Variants in SOCS5 observed in about 807,000 individuals in gnomAD.
The protein encoded by SOCS5 is suppressor of cytokine signaling 5, also known as CIS-6.
A neutral mutation model predicts 42.8 loss-of-function variants in SOCS5; 32 were observed. The ratio of observed to expected loss-of-function variants is 0.75; its 90% CI spans 0.56 to 1.01. The LOEUF is 1.01. Among genes scored for constraint, SOCS5 ranks in the 50% least tolerant of loss-of-function variants. SOCS5 has a pLI of 0.00. For missense variants in SOCS5, 627 were observed against 653.0 expected (o/e 0.96, Z 0.43); for synonymous variants, 283 against 229.6 (o/e 1.23, Z -2.10).
chr2:46,750,230 T>G (rs1019499544), intron 1 of SOCS5, among the ~76,000 whole-genome samples: 1 of 152,186 alleles, frequency 6.6e-6, no homozygotes, highest in African/African-American at 2.4e-5. Flanking sequence ...AGGCAGTATC[T>G]GTACGTGAGA....
At chr2:46,724,890 A>G (rs565663036) in intron 1 of SOCS5, among the ~76,000 whole-genome samples, 1 of 151,528 alleles carries the variant, frequency 6.6e-6, no homozygotes, top group East Asian at 1.9e-4. Flanking sequence ...CAGTTGGTTG[A>G]TGGTGTTCTA....
chr2:46,730,892 G>T (rs1196520057), intron 1 of SOCS5, among the ~76,000 whole-genome samples: 1 of 152,108 alleles, frequency 6.6e-6, no homozygotes, highest in Non-Finnish European at 1.5e-5. Flanking sequence ...GTTACATTTT[G>T]GGGTCAGAAA....
intron 1 of SOCS5, among the ~76,000 whole-genome samples, chr2:46,749,768 G>A (rs1673584956): frequency 6.6e-6 from 1 of 152,058 alleles, no homozygotes; most frequent in African/African-American, 2.4e-5. Context: ...AATGGCTTAG[G>A]AACATTGAAA....
chr2:46,730,762 A>G lies in SOCS5; in HGVS notation c.-12-27757A>G, dbSNP rs547004466. On this transcript the variant is annotated intron_variant, in intron 1 of 1. Transcript: ENST00000394861. The stretch of plus-strand genomic sequence containing the variant: ...AAAAATCTATCAATCACATTTCCGG[A>G]GTCTGCTTTATTAATCAGTCTATAA... Among the ~76,000 whole-genome samples, 3 of 152,310 alleles carry G rather than the reference A, an allele frequency of 2.0e-5. No individual in the cohort carries two copies. The East Asian group carries it at 5.8e-4, about 29-fold the overall frequency.
chr2:46,728,407 A>C (rs1001835840), intron 1 of SOCS5, among the ~76,000 whole-genome samples: 1 of 152,208 alleles, frequency 6.6e-6, no homozygotes, highest in Non-Finnish European at 1.5e-5. Flanking sequence ...CAGCACACGT[A>C]GCTATCATTT....
chr2:46,759,055 C>T lies in SOCS5; in HGVS notation c.525C>T (p.Arg175=). ...TTTCCAGCAGAACTGTAGGAAGTCG[C>T]TCTCTAAGACAGAGGTTGCAGGATA... is the stretch of plus-strand genomic sequence containing the variant. The part of the protein sequence containing the change: ...DSVSSRTVGS[R]SLRQRLQDTV... The change falls in exon 2 of 2, where the codon CGC becomes CGT. Residue 175 remains arginine (R), a synonymous_variant. Transcript: ENST00000394861. 1 of 1,613,982 alleles carries T rather than the reference C, an allele frequency of 6.2e-7. No homozygotes were observed. The highest frequency in any genetic ancestry group is 8.5e-7 in the Non-Finnish European group (1 of 1,179,854).
At chr2:46,742,790 C>G (rs1025556281) in intron 1 of SOCS5, among the ~76,000 whole-genome samples, 2 of 151,992 alleles carry the variant, frequency 1.3e-5, no homozygotes, top group Non-Finnish European at 1.5e-5. Flanking sequence ...CTCAGCCTCC[C>G]GAGTAGCTCA....
rs1267884824 is a variant in SOCS5, at chr2:46,761,757, ACT to A, written c.*1619_*1620del. ...AATATTGACTTATCAGAATAAGCTA[ACT>A]CTAAATTTAATGCTCTACATCTTAT... On this transcript the variant is annotated 3_prime_UTR_variant, in exon 2 of 2. Transcript: ENST00000394861. 6.0e-6 allele frequency: 1 copy of A among 166,496 alleles called. No individual in the cohort carries two copies. The highest frequency in any genetic ancestry group is 1.5e-5 in the Non-Finnish European group (1 of 68,086). The allele number at this position is 166,496 out of a possible 1,614,324, so 10.3% of individuals were successfully genotyped here. A position where few individuals can be genotyped will look rare whatever the true frequency, so the allele number is the denominator to read the frequency against.
chr2:46,738,021 A>G (rs28433547), intron 1 of SOCS5, among the ~76,000 whole-genome samples: 160 of 152,352 alleles, frequency 1.1e-3, no homozygotes, highest in African/African-American at 3.1e-3. Context: ...TGTGGTGTTA[A>G]CTATAAACCC....
At chr2:46,732,931 G>A (rs1389252000) in intron 1 of SOCS5, among the ~76,000 whole-genome samples, 1 of 151,972 alleles carries the variant, frequency 6.6e-6, no homozygotes, top group Non-Finnish European at 1.5e-5. Context: ...TTTCACAATA[G>A]CTGGTTTCAC....
At chr2:46,721,561 G>A (rs1216367168) in intron 1 of SOCS5, among the ~76,000 whole-genome samples, 1 of 152,122 alleles carries the variant, frequency 6.6e-6, no homozygotes, top group Non-Finnish European at 1.5e-5. Context: ...TTTAAAAGGA[G>A]CCTAGTGCTT....
rs1326549894 is a variant in SOCS5, at chr2:46,759,249, T to C, written c.719T>C (p.Val240Ala). The change falls in exon 2 of 2, where the codon GTG becomes GCG. Residue 240 changes from valine to alanine, a missense_variant. Coordinates refer to ENST00000394861, the MANE Select transcript of SOCS5 (RefSeq NM_144949.3). ...WHLIKQHTAP[V>A]SPHSTFFDTF... is the part of the protein sequence containing the mutation. ...TTGATTAAACAGCATACAGCTCCTG[T>C]GAGCCCACATTCAACATTTTTTGAT... 2 of 1,614,064 alleles carry C rather than the reference T, an allele frequency of 1.2e-6. No homozygotes were observed. Among genetic ancestry groups the C allele is most frequent in the Admixed American group, 3.3e-5 (2 of 60,030 alleles).
intron 1 of SOCS5, among the ~76,000 whole-genome samples, chr2:46,713,568 T>C (rs982624245): frequency 1.3e-5 from 2 of 152,300 alleles, no homozygotes; most frequent in African/African-American, 4.8e-5. Flanking sequence ...TTAATCTAAC[T>C]TGAGAAAGGA....
At chr2:46,729,992 A>T (rs775074591) in intron 1 of SOCS5, among the ~76,000 whole-genome samples, 17 of 152,208 alleles carry the variant, frequency 1.1e-4, no homozygotes, top group Non-Finnish European at 2.4e-4. Context: ...TTAAAGACTA[A>T]GATACAAACA....
chr2:46,748,726 T>TC (rs1324876673), intron 1 of SOCS5, among the ~76,000 whole-genome samples: 2 of 152,174 alleles, frequency 1.3e-5, no homozygotes, highest in African/African-American at 4.8e-5. Context: ...GTTGTTATTA[T>TC]CAAAACATTA....
chr2:46,720,704 G>A (rs1672859322), intron 1 of SOCS5, among the ~76,000 whole-genome samples: 1 of 152,162 alleles, frequency 6.6e-6, no homozygotes, highest in Non-Finnish European at 1.5e-5. Flanking sequence ...CTGTTTTTCA[G>A]ATGAGTTTAC....
At position 46,759,786 on chromosome 2, in the gene SOCS5, TCCG is replaced by T. The variant is rs1255606999; in HGVS notation, c.1261_1263del (p.Arg421del). ...GAGGACTACCTCTTCTCTGTGAGCT[TCCG>T]CCGCTACAACAGATCCCTGCATGCC... On this transcript the variant is annotated inframe_deletion, in exon 2 of 2. Coordinates refer to ENST00000394861, the MANE Select transcript of SOCS5 (RefSeq NM_144949.3). 6.2e-7 allele frequency: 1 copy of T among 1,614,068 alleles called. No individual in the cohort carries two copies. The highest frequency in any genetic ancestry group is 1.7e-5 in the Admixed American group (1 of 60,010).
chr2:46,730,358 T>C (rs1487895639), intron 1 of SOCS5, among the ~76,000 whole-genome samples: 1 of 152,170 alleles, frequency 6.6e-6, no homozygotes, highest in Admixed American at 6.5e-5. Flanking sequence ...CCCGGCACTT[T>C]GGGAGGCCGA....
At chr2:46,712,405 G>A (rs367971863) in intron 1 of SOCS5, among the ~76,000 whole-genome samples, 13 of 136,472 alleles carry the variant, frequency 9.5e-5, no homozygotes, top group African/African-American at 3.5e-4. Context: ...GTGCAGTGGC[G>A]CTATCTTGGC....
Sources: allele counts gnomAD v4.1 joint callset (sites outside exome capture counted in the v4.1 genomes callset), GRCh38; gene constraint gnomAD v4.1.1; transcripts MANE v1.5; gene names NCBI Gene and HGNC (gene_info 2026-07-23, HGNC 2026-07-21).